The following ATP10B variants were observed in gnomAD, a reference collection of about 807,000 sequenced individuals.
The protein encoded by ATP10B is ATPase phospholipid transporting 10B (putative), also known as phospholipid-transporting ATPase VB.
ATP10B carries 122 observed loss-of-function variants against 141.2 expected under a neutral mutation model. The ratio of observed to expected loss-of-function variants is 0.86; its 90% CI spans 0.75 to 1.00. ATP10B has a LOEUF of 1.00. Ranked by LOEUF, ATP10B falls within the 50% of genes least tolerant of loss-of-function variation. The pLI, the probability that ATP10B is intolerant of heterozygous loss-of-function variation, is 0.00. For missense variants in ATP10B, 1,876 were observed against 1,825.3 expected (o/e 1.03, Z -0.51); for synonymous variants, 685 against 692.0 (o/e 0.99, Z 0.16).
chr5:160,745,268 A>G (rs1255090859), intron 2 of ATP10B, among the ~76,000 whole-genome samples: 1 of 152,212 alleles, frequency 6.6e-6, no homozygotes, highest in East Asian at 1.9e-4. Context: ...ATAAATATGA[A>G]AAACCACTGG....
intron 2 of ATP10B, among the ~76,000 whole-genome samples, chr5:160,775,504 T>C (rs1216396799): frequency 6.6e-6 from 1 of 152,136 alleles, no homozygotes; most frequent in Non-Finnish European, 1.5e-5. Flanking sequence ...GGATATGGAC[T>C]ACAGCACTGA....
chr5:160,683,249 T>C (rs1763543441), intron 6 of ATP10B, among the ~76,000 whole-genome samples: 1 of 152,078 alleles, frequency 6.6e-6, no homozygotes, highest in Non-Finnish European at 1.5e-5. Context: ...CAATTGGATC[T>C]AGCTGGAAAA....
At chr5:160,609,579 A>G (rs1434438806) in intron 18 of ATP10B, among the ~76,000 whole-genome samples, 1 of 152,124 alleles carries the variant, frequency 6.6e-6, no homozygotes, top group Non-Finnish European at 1.5e-5. Flanking sequence ...GGGTTTCACC[A>G]TTTTGGCCAG....
chr5:160,565,814 CT>C lies in ATP10B; in HGVS notation c.4024del (p.Arg1342GlufsTer67), dbSNP rs972573045. On this transcript the variant is annotated frameshift_variant, in exon 26 of 26. Coordinates refer to ENST00000327245, the MANE Select transcript of ATP10B (RefSeq NM_025153.3). LOFTEE classifies it low-confidence loss of function (END_TRUNC). Reference sequence around the variant, plus strand: ...TCTCCAACTCTGGATTTCCAGGTTTCTTTTGTCTGGGGGGAGTTTGTCAATT... The same window carrying C: ...TCTCCAACTCTGGATTTCCAGGTTTCTTTGTCTGGGGGGAGTTTGTCAATT... ...QKIDKLPPDK[R>X]NLEIQSWRSR... 1 of 1,613,932 alleles carries C rather than the reference CT, an allele frequency of 6.2e-7. No individual in the cohort carries two copies. The highest frequency in any genetic ancestry group is 8.5e-7 in the Non-Finnish European group (1 of 1,179,966).
At chr5:160,692,485 G>A (rs1764128633) in intron 3 of ATP10B, 1 of 152,154 alleles carries the variant, frequency 6.6e-6, no homozygotes, top group Admixed American at 6.6e-5. Context: ...GTAACTGAAA[G>A]TCACTAGATC....
intron 2 of ATP10B, among the ~76,000 whole-genome samples, chr5:160,752,730 G>A (rs1055682130): frequency 4.6e-5 from 7 of 152,144 alleles, no homozygotes; most frequent in African/African-American, 1.2e-4. Context: ...AAGTCAACGC[G>A]GGGATGTGGG....
At chr5:160,618,409 C>T (rs1318562746) in intron 15 of ATP10B, among the ~76,000 whole-genome samples, 2 of 152,170 alleles carry the variant, frequency 1.3e-5, no homozygotes, top group African/African-American at 4.8e-5. Flanking sequence ...ACTTTGGAAA[C>T]TGTTCTCTAT....
Position 160,723,395 on chromosome 5 carries a change from G to A in ATP10B, c.-330-6361C>T, listed in dbSNP as rs565473083. Among the ~76,000 whole-genome samples, 52 of 152,258 alleles carry A rather than the reference G, an allele frequency of 3.4e-4. No individual in the cohort carries two copies. The South Asian group carries it at 0.01, about 30-fold the overall frequency. ...CTGAAGGAATACACAGGGAGAAGAG[G>A]AGGAGGATGTAACAGTAGCTAACTA... On this transcript the variant is annotated intron_variant, in intron 2 of 25. Coordinates refer to ENST00000327245, the MANE Select transcript of ATP10B (RefSeq NM_025153.3).
intron 25 of ATP10B, among the ~76,000 whole-genome samples, chr5:160,567,169 C>T (rs77312214): frequency 0.023 from 3,473 of 152,214 alleles, 126 homozygotes; most frequent in African/African-American, 0.08. Flanking sequence ...TCAACAAATG[C>T]TTTTCAATTT....
chr5:160,721,621 T>C (rs948620508), intron 2 of ATP10B, among the ~76,000 whole-genome samples: 9 of 152,194 alleles, frequency 5.9e-5, no homozygotes, highest in Admixed American at 5.9e-4. Flanking sequence ...GCTACTGTGC[T>C]GGTCAGCTAA....
At chr5:160,653,139 AATAT>A (rs1194958401) in intron 7 of ATP10B, among the ~76,000 whole-genome samples, 1 of 131,144 alleles carries the variant, frequency 7.6e-6, no homozygotes, top group Non-Finnish European at 1.6e-5. Flanking sequence ...TGTATACATA[AATAT>A]ATATTATAAA....
At chr5:160,839,029 G>T (rs1463732887) in intron 1 of ATP10B, among the ~76,000 whole-genome samples, 1 of 152,122 alleles carries the variant, frequency 6.6e-6, no homozygotes, top group East Asian at 1.9e-4. Context: ...ATAACTGTAA[G>T]CTTCCTAAGG....
intron 1 of ATP10B, among the ~76,000 whole-genome samples, chr5:160,794,903 TTGTC>T (rs1312705994): frequency 1.3e-5 from 2 of 152,220 alleles, no homozygotes; most frequent in Non-Finnish European, 2.9e-5. Flanking sequence ...GTTATTGTTG[TTGTC>T]TGTTTCCTCC....
chr5:160,784,044 A>G (rs2127890156), intron 2 of ATP10B, among the ~76,000 whole-genome samples: 1 of 152,304 alleles, frequency 6.6e-6, no homozygotes, highest in South Asian at 2.1e-4. Context: ...TTGGCCAGGT[A>G]GCATATTTGT....
chr5:160,843,363 G>A (rs1452697418), intron 1 of ATP10B, among the ~76,000 whole-genome samples: 2 of 152,040 alleles, frequency 1.3e-5, no homozygotes, highest in African/African-American at 2.4e-5. Context: ...CTTACCTACT[G>A]AGTACTTACT....
intron 2 of ATP10B, among the ~76,000 whole-genome samples, chr5:160,760,341 T>A (rs1448382528): frequency 6.6e-6 from 1 of 152,176 alleles, no homozygotes; most frequent in Non-Finnish European, 1.5e-5. Flanking sequence ...TTTTTTTCCT[T>A]AAGACCTTGC....
chr5:160,905,505 C>T, the ATP10B span, among the ~76,000 whole-genome samples: 1 of 152,186 alleles, frequency 6.6e-6, no homozygotes, highest in Non-Finnish European at 1.5e-5. Flanking sequence ...CTTGAGACAG[C>T]TAGTTGTGAC....
chr5:160,589,878 T>C (rs995218591), intron 23 of ATP10B, among the ~76,000 whole-genome samples, 182 bp from the exon 24 acceptor site: 13 of 152,288 alleles, frequency 8.5e-5, no homozygotes, highest in Non-Finnish European at 1.6e-4. Context: ...ATAGGACTAA[T>C]TTAGAAATGG....
chr5:160,709,392 G>A (rs1375836384), intron 3 of ATP10B, among the ~76,000 whole-genome samples: 4 of 152,020 alleles, frequency 2.6e-5, no homozygotes, highest in Admixed American at 6.6e-5. Context: ...AAAATGACAC[G>A]AACAGGTTAT....
Sources: gnomAD v4.1 joint callset for allele counts (sites outside exome capture counted in the v4.1 genomes callset) on GRCh38, gnomAD v4.1.1 for gene constraint, MANE v1.5 for transcripts, NCBI Gene and HGNC (gene_info 2026-07-23, HGNC 2026-07-21) for gene names.